UHRF2: variants seen among roughly 807,000 people sequenced by gnomAD.
UHRF2 encodes ubiquitin like with PHD and ring finger domains 2, also known as E3 ubiquitin-protein ligase UHRF2.
A neutral mutation model predicts 96.8 loss-of-function variants in UHRF2; 23 were observed. The observed-to-expected ratio is 0.24, with a 90% CI of 0.17 to 0.34. UHRF2 has a LOEUF of 0.34. Ranked by LOEUF, UHRF2 falls within the 10% of genes least tolerant of loss-of-function variation. The pLI is 1.00. For synonymous variants in UHRF2, 385 were observed against 332.6 expected (o/e 1.16, Z -1.72); for missense variants, 685 against 981.5 (o/e 0.70, Z 4.04).
chr9:6,455,753 G>A (rs1449639145), intron 3 of UHRF2, among the ~76,000 whole-genome samples: 1 of 151,092 alleles, frequency 6.6e-6, no homozygotes, highest in East Asian at 2.0e-4. Context: ...GGGAGGCCAA[G>A]ATGGGAGAAT....
At chr9:6,494,518 A>G (rs1824853871) in intron 10 of UHRF2, 1 of 152,200 alleles carries the variant, frequency 6.6e-6, no homozygotes, top group African/African-American at 2.4e-5. Flanking sequence ...TTTATTCTAT[A>G]GAAATACTAA....
chr9:6,470,243 C>T (rs907339660), intron 4 of UHRF2, among the ~76,000 whole-genome samples: 1 of 151,838 alleles, frequency 6.6e-6, no homozygotes, highest in African/African-American at 2.4e-5. Context: ...CGTGGTAGTG[C>T]ACACCTGTAA....
At position 6,413,430 on chromosome 9, in the gene UHRF2, G is replaced by C; in HGVS notation, c.-61G>C. On this transcript the variant is annotated 5_prime_UTR_variant, in exon 1 of 16. Coordinates refer to ENST00000276893, the MANE Select transcript of UHRF2 (RefSeq NM_152896.3). ...CAGGGAAAGCGGCGCGGGCCGGGCG[G>C]GGCGCGGCGCCCAGAGCTCAGGGGG... 3.0e-6 allele frequency: 4 copies of C among 1,316,800 alleles called. No homozygotes were observed. The highest frequency in any genetic ancestry group is 2.9e-6 in the Non-Finnish European group (3 of 1,020,868). 81.6% of individuals were successfully genotyped at this position (1,316,800 alleles called of 1,614,324 possible).
Position 6,421,062 on chromosome 9 carries a change from G to C in UHRF2, c.304G>C (p.Ala102Pro). ...TAATAGTCCACCTAAAGTAAAGAAA[G>C]CTCCGAGGGTAGGACCTTCCAATCA... is the stretch of plus-strand genomic sequence containing the variant. ...CSNSPPKVKK[A>P]PRVGPSNQPS... The change falls in exon 2 of 16, where the codon GCT (alanine) becomes CCT (proline). Residue 102 changes from alanine to proline, a missense_variant. By Grantham distance (27) the Ala-to-Pro change is conservative (BLOSUM62 -1). This residue lies in a region of UHRF2 where 391 missense variants were observed against 437.0 expected (regional missense o/e 0.89). Coordinates refer to ENST00000276893, the MANE Select transcript of UHRF2 (RefSeq NM_152896.3). 6.2e-7 allele frequency: 1 copy of C among 1,614,124 alleles called. No individual in the cohort carries two copies. The highest frequency in any genetic ancestry group is 8.5e-7 in the Non-Finnish European group (1 of 1,180,020).
Position 6,504,178 on chromosome 9 carries a change from G to A in UHRF2, c.2164-415G>A, listed in dbSNP as rs1475264581. On this transcript the variant is annotated intron_variant, in intron 14 of 15. Transcript: ENST00000276893. ...GCAGCTGGGACTACAGGCACACGCC[G>A]CCACGCCCAGATAATTTTTTGTATT... Among the ~76,000 whole-genome samples the A allele has an allele frequency of 5.9e-5, 9 of 151,448 alleles. No homozygotes were observed. The South Asian group carries it at 1.3e-3, about 21-fold the overall frequency.
intron 3 of UHRF2, among the ~76,000 whole-genome samples, chr9:6,448,717 AATAAG>A (rs374112042): frequency 9.8e-5 from 15 of 152,344 alleles, no homozygotes; most frequent in Admixed American, 8.5e-4. Context: ...TGTGGAGGTA[AATAAG>A]ATAAGAATGG....
intron 8 of UHRF2, among the ~76,000 whole-genome samples, chr9:6,483,720 A>G (rs1824071776): frequency 6.6e-6 from 1 of 152,012 alleles, no homozygotes; most frequent in South Asian, 2.1e-4. Context: ...ACAGAGTTTC[A>G]CTCTTGTTGC....
At chr9:6,415,873 A>T (rs773894246) in intron 1 of UHRF2, among the ~76,000 whole-genome samples, 7 of 152,182 alleles carry the variant, frequency 4.6e-5, no homozygotes, top group Non-Finnish European at 1.0e-4. Context: ...ATAGTCTCCC[A>T]CTAGTCTCTT....
intron 10 of UHRF2, chr9:6,495,712 C>T (rs138952938): frequency 6.6e-6 from 1 of 152,252 alleles, no homozygotes; most frequent in East Asian, 1.9e-4. Context: ...GCTGTATTGC[C>T]TAGTTTCATC....
At chr9:6,432,148 T>G (rs1249556140) in intron 2 of UHRF2, among the ~76,000 whole-genome samples, 1 of 152,238 alleles carries the variant, frequency 6.6e-6, no homozygotes, top group Admixed American at 6.5e-5. Context: ...CATCTCTGAT[T>G]GTTTGTCCTA....
intron 9 of UHRF2, among the ~76,000 whole-genome samples, chr9:6,489,395 A>T (rs919705969): frequency 3.9e-5 from 6 of 152,134 alleles, no homozygotes; most frequent in Non-Finnish European, 1.5e-5. Context: ...GTTTTTTGTA[A>T]ACGTAAGTCT....
chr9:6,445,562 CTTTA>C (rs1244000455), intron 3 of UHRF2, among the ~76,000 whole-genome samples: 3 of 151,994 alleles, frequency 2.0e-5, no homozygotes, highest in Admixed American at 1.3e-4. Context: ...CGCCTAGCCT[CTTTA>C]TTTATTTTTG....
chr9:6,492,869 C>G (rs1414253751), intron 9 of UHRF2: 4 of 91,454 alleles, frequency 4.4e-5, no homozygotes, highest in African/African-American at 1.7e-4. Context: ...TTAGTAGATA[C>G]TTTATACTAC....
chr9:6,416,229 A>G (rs540846616), intron 1 of UHRF2, among the ~76,000 whole-genome samples: 1 of 151,394 alleles, frequency 6.6e-6, no homozygotes, highest in Non-Finnish European at 1.5e-5. Context: ...ACTCCCGGCA[A>G]ATTTTTTGTA....
chr9:6,506,405 A>G lies in UHRF2; in HGVS notation c.*226A>G, dbSNP rs553798790. ...CTGTAACAACTAGTTTTAATGAGTAAAAAGTCAAAGCCTCAGCTCTAGTTG... is the reference window on the plus strand; with the variant it reads ...CTGTAACAACTAGTTTTAATGAGTAGAAAGTCAAAGCCTCAGCTCTAGTTG... On this transcript the variant is annotated 3_prime_UTR_variant, in exon 16 of 16. Transcript: ENST00000276893. 126 of 433,222 alleles carry G rather than the reference A, an allele frequency of 2.9e-4. No individual in the cohort carries two copies. In the Middle Eastern group the frequency reaches 5.1e-3, roughly 18 times the overall value. The allele number at this position is 433,222 out of a possible 1,614,324, so 26.8% of individuals were successfully genotyped here.
chr9:6,417,512 C>T (rs573235986), intron 1 of UHRF2, among the ~76,000 whole-genome samples: 11 of 152,256 alleles, frequency 7.2e-5, no homozygotes, highest in East Asian at 1.9e-4. Flanking sequence ...GGAAGAACTT[C>T]GGTACTTTTC....
chr9:6,422,229 G>A (rs775872897), intron 2 of UHRF2, among the ~76,000 whole-genome samples: 4 of 152,112 alleles, frequency 2.6e-5, no homozygotes, highest in East Asian at 1.9e-4. Flanking sequence ...TTACAGGCGC[G>A]TACCACCATG....
intron 3 of UHRF2, among the ~76,000 whole-genome samples, chr9:6,435,592 C>G (rs779539765): frequency 2.0e-5 from 3 of 152,042 alleles, no homozygotes; most frequent in Non-Finnish European, 4.4e-5. Context: ...CCCACTTCCC[C>G]AAGATAATAG....
intron 1 of UHRF2, among the ~76,000 whole-genome samples, chr9:6,418,576 A>T (rs1819747045): frequency 2.6e-5 from 4 of 152,270 alleles, no homozygotes; most frequent in African/African-American, 9.6e-5. Context: ...CATTTGGTTG[A>T]CTTCTCAAAT....
Sources: allele counts gnomAD v4.1 joint callset (sites outside exome capture counted in the v4.1 genomes callset), GRCh38; gene constraint gnomAD v4.1.1; regional missense constraint gnomAD v4.1.1; transcripts MANE v1.5; gene names NCBI Gene and HGNC (gene_info 2026-07-23, HGNC 2026-07-21).